The following CNNM1 variants were observed in gnomAD, a reference collection of about 807,000 sequenced individuals.
CNNM1 encodes cyclin and CBS domain divalent metal cation transport mediator 1.
In CNNM1, 44 loss-of-function variants were observed where a neutral mutation model predicts 78.8. That is an observed-to-expected ratio of 0.56 (90% CI 0.44 to 0.72). CNNM1 has a LOEUF of 0.72. Ranked by LOEUF, CNNM1 falls within the 30% of genes least tolerant of loss-of-function variation. The pLI is 0.00. For missense variants in CNNM1, 1,101 were observed against 1,292.2 expected (o/e 0.85, Z 2.27); for synonymous variants, 584 against 581.5 (o/e 1.00, Z -0.06).
intron 1 of CNNM1, among the ~76,000 whole-genome samples, chr10:99,331,427 A>G (rs568831176): frequency 2.0e-5 from 3 of 152,314 alleles, no homozygotes; most frequent in South Asian, 4.1e-4. Context: ...GTGGCTGACA[A>G]TGTTTCCTCA....
At chr10:99,374,037 C>A (rs188988789) in intron 6 of CNNM1, among the ~76,000 whole-genome samples, 1 of 152,190 alleles carries the variant, frequency 6.6e-6, no homozygotes, top group Non-Finnish European at 1.5e-5. Context: ...GAAACATACA[C>A]GTACAGGTAT....
intron 1 of CNNM1, among the ~76,000 whole-genome samples, chr10:99,345,317 C>T (rs2030645606): frequency 6.6e-6 from 1 of 152,122 alleles, no homozygotes; most frequent in South Asian, 2.1e-4. Context: ...AGAACACTGA[C>T]GAATCTGTAG....
intron 7 of CNNM1, 102 bp from the exon 8 acceptor site, chr10:99,387,718 T>G: frequency 1.7e-6 from 2 of 1,202,694 alleles, no homozygotes; most frequent in East Asian, 2.7e-5. Context: ...AGGCCGAGGG[T>G]TCCAAGCACC....
chr10:99,329,706 G>C lies in CNNM1; in HGVS notation c.319G>C (p.Val107Leu), dbSNP rs1850554060. 2 of 1,542,248 alleles carry C rather than the reference G, an allele frequency of 1.3e-6. No individual in the cohort carries two copies. Among genetic ancestry groups the C allele is most frequent in the Non-Finnish European group, 1.7e-6 (2 of 1,155,694 alleles). Residue 107 changes from valine (V) to leucine (L), a missense_variant, in exon 1 of 11, where the codon GTG (valine) becomes CTG (leucine). Around this residue, in one of 3 missense-constraint regions of CNNM1, gnomAD observed 476 missense variants for 484.5 expected, o/e 0.98. Transcript: ENST00000356713. Reference sequence around the variant, plus strand: ...CACCGGCGACTGGGCTCCGCGGCTCGTGTTCATCGAGGAGCCCCCGGGCGG... The same window carrying C: ...CACCGGCGACTGGGCTCCGCGGCTCCTGTTCATCGAGGAGCCCCCGGGCGG... ...NGTGDWAPRL[V>L]FIEEPPGGGG...
chr10:99,341,573 T>C (rs988829599), intron 1 of CNNM1, among the ~76,000 whole-genome samples: 1 of 152,084 alleles, frequency 6.6e-6, no homozygotes, highest in Admixed American at 6.6e-5. Context: ...AAAACTTTTC[T>C]GAGAAAGTGG....
At position 99,392,678 on chromosome 10, in the gene CNNM1, A is replaced by G. The variant is rs2032507031; in HGVS notation, c.*1162A>G. On this transcript the variant is annotated 3_prime_UTR_variant, in exon 11 of 11. Coordinates refer to ENST00000356713, the MANE Select transcript of CNNM1 (RefSeq NM_020348.3). ...GAGTGACCGCGCATACCTGCTTCCA[A>G]GAATAAAACAGTTCTGAAAAGCAAC... 2 of 152,194 alleles carry G rather than the reference A, an allele frequency of 1.3e-5. No individual in the cohort carries two copies. The highest frequency in any genetic ancestry group is 2.9e-5 in the Non-Finnish European group (2 of 68,058). 9.4% of individuals were successfully genotyped at this position (152,194 alleles called of 1,614,324 possible). A position where few individuals can be genotyped will look rare whatever the true frequency, so the allele number is the denominator to read the frequency against.
chr10:99,364,400 CTT>C lies in CNNM1; in HGVS notation c.2029-6_2029-5del, dbSNP rs368559277. On this transcript the variant is annotated splice_polypyrimidine_tract_variant and intron_variant, in intron 4 of 10. Coordinates refer to ENST00000356713, the MANE Select transcript of CNNM1 (RefSeq NM_020348.3). Reference sequence around the variant, plus strand: ...CTCATACACATTCATAGTACACTTCCTTTTTTTTTTTTCCAGGGTAAAGTGGA... The same window carrying C: ...CTCATACACATTCATAGTACACTTCCTTTTTTTTTTCCAGGGTAAAGTGGA... The C allele has an allele frequency of 4.3e-4, 527 of 1,238,838 alleles. No individual in the cohort carries two copies. The highest frequency in any genetic ancestry group is 1.1e-3 in the South Asian group (78 of 72,198). The allele number at this position is 1,238,838 out of a possible 1,614,324, so 76.7% of individuals were successfully genotyped here. A position where few individuals can be genotyped will look rare whatever the true frequency, so the allele number is the denominator to read the frequency against.
At chr10:99,366,516 G>T (rs1341925177) in intron 6 of CNNM1, among the ~76,000 whole-genome samples, 2 of 151,970 alleles carry the variant, frequency 1.3e-5, no homozygotes, top group Non-Finnish European at 2.9e-5. Context: ...GGGCATGGTG[G>T]CTCTCACCTG....
rs575763169 is a variant in CNNM1, at chr10:99,343,848, C to T, written c.1573+12888C>T. ...TCCTGCCTCAGCCTCCTGAGTAGCT[C>T]GGATTACAGACACCCGCCACCATGC... is the stretch of plus-strand genomic sequence containing the variant. On this transcript the variant is annotated intron_variant, in intron 1 of 10. Transcript: ENST00000356713. Among the ~76,000 whole-genome samples, 303 of 151,634 alleles carry T rather than the reference C, an allele frequency of 2.0e-3. 7 individuals are homozygous for T. The South Asian group carries it at 0.028, about 14-fold the overall frequency.
chr10:99,340,876 TCCTG>T (rs562170205), intron 1 of CNNM1, among the ~76,000 whole-genome samples: 1,774 of 138,224 alleles, frequency 0.013, 19 homozygotes, highest in South Asian at 0.023. Context: ...CTTCCTTCCT[TCCTG>T]CCTGCCTGCC....
At chr10:99,347,113 T>C (rs2030728115) in intron 1 of CNNM1, among the ~76,000 whole-genome samples, 1 of 152,022 alleles carries the variant, frequency 6.6e-6, no homozygotes, top group Non-Finnish European at 1.5e-5. Context: ...TGAAATAATC[T>C]GTATACCAAA....
intron 6 of CNNM1, among the ~76,000 whole-genome samples, chr10:99,367,005 G>A (rs1174822470): frequency 6.6e-6 from 1 of 152,058 alleles, no homozygotes; most frequent in Admixed American, 6.6e-5. Flanking sequence ...TCTTCAGAAG[G>A]AAAAAGAAAT....
intron 3 of CNNM1, 48 bp from the exon 4 acceptor site, chr10:99,362,179 G>A: frequency 1.3e-6 from 2 of 1,530,072 alleles, no homozygotes; most frequent in Non-Finnish European, 1.8e-6. Flanking sequence ...TGGAATGGGT[G>A]GGACACAGCT....
At chr10:99,335,430 C>T (rs573709681) in intron 1 of CNNM1, among the ~76,000 whole-genome samples, 5 of 152,342 alleles carry the variant, frequency 3.3e-5, no homozygotes, top group Admixed American at 6.5e-5. Flanking sequence ...TTTGTATTCT[C>T]AGGACAAGTA....
chr10:99,355,506 C>G (rs373535229), intron 1 of CNNM1, among the ~76,000 whole-genome samples: 18 of 152,216 alleles, frequency 1.2e-4, no homozygotes, highest in African/African-American at 4.3e-4. Flanking sequence ...AATCAGTACC[C>G]CAGATTTTCT....
At chr10:99,368,560 T>C in intron 6 of CNNM1, 1 of 1,138,882 alleles carries the variant, frequency 8.8e-7, no homozygotes, top group South Asian at 1.3e-5. Context: ...GTCTCTTTCC[T>C]TTTGTGTTTA....
At chr10:99,385,464 A>G (rs4917861) in intron 7 of CNNM1, among the ~76,000 whole-genome samples, 135,499 of 152,250 alleles carry the variant, frequency 0.89, 60,429 homozygotes, top group African/African-American at 0.92. Context: ...GGGGGCAGAG[A>G]GGACACTGCT....
At chr10:99,389,095 A>G (rs1216082512) in intron 9 of CNNM1, among the ~76,000 whole-genome samples, 1 of 152,166 alleles carries the variant, frequency 6.6e-6, no homozygotes, top group Non-Finnish European at 1.5e-5. Flanking sequence ...TCAAGTCCAG[A>G]GCAACAACCT....
At chr10:99,386,264 G>A (rs2032301790) in intron 7 of CNNM1, among the ~76,000 whole-genome samples, 1 of 152,194 alleles carries the variant, frequency 6.6e-6, no homozygotes, top group African/African-American at 2.4e-5. Context: ...TAGGTCTTAA[G>A]TCAGCAGTTC....
Sources: allele counts gnomAD v4.1 joint callset (sites outside exome capture counted in the v4.1 genomes callset), GRCh38; gene constraint gnomAD v4.1.1; regional missense constraint gnomAD v4.1.1; transcripts MANE v1.5; gene names NCBI Gene and HGNC (gene_info 2026-07-23, HGNC 2026-07-21).